The following DSC1 variants were observed in gnomAD, a reference collection of about 807,000 sequenced individuals.
DSC1 encodes the protein desmocollin 1.
DSC1 carries 79 observed loss-of-function variants against 98.8 expected under a neutral mutation model. The observed-to-expected ratio is 0.80, with a 90% CI of 0.67 to 0.96. DSC1 has a LOEUF of 0.96. Among genes scored for constraint, DSC1 ranks in the 50% least tolerant of loss-of-function variants. The pLI, the probability that DSC1 is intolerant of heterozygous loss-of-function variation, is 0.00. For synonymous variants in DSC1, 405 were observed against 372.1 expected (o/e 1.09, Z -1.02); for missense variants, 1,115 against 1,075.9 (o/e 1.04, Z -0.51).
chr18:31,134,118 A>G lies in DSC1; in HGVS notation c.1889T>C (p.Ile630Thr). The change falls in exon 13 of 16, where the codon ATT (isoleucine) becomes ACT (threonine). Residue 630 changes from isoleucine (I) to threonine (T), a missense_variant. Coordinates refer to ENST00000257198, the MANE Select transcript of DSC1 (RefSeq NM_024421.2). The stretch of plus-strand genomic sequence containing the variant: ...ATCAAGATTTTGCCGTTGACGAAGA[A>G]TGGCAGTTTTACCTAGGGAAAAAAA... ...NIEEKDGKTA[I>T]LRQRQNLDYN... The G allele has an allele frequency of 6.2e-7, 1 of 1,604,154 alleles. No homozygotes were observed. The highest frequency in any genetic ancestry group is 8.5e-7 in the Non-Finnish European group (1 of 1,179,252).
chr18:31,131,344 C>T, intron 15 of DSC1: 2 of 498,830 alleles, frequency 4.0e-6, no homozygotes, highest in East Asian at 3.7e-5. Flanking sequence ...GGCTATGAAC[C>T]TTTTATCCTT....
chr18:31,148,487 T>A lies in DSC1; in HGVS notation c.772+11A>T. On this transcript the variant is annotated intron_variant, in intron 6 of 15. Transcript: ENST00000257198. ...GTCTTCTTGTCATGCTACAATAAAATGTGAACTTACCGGATCGGCAATTTT... is the reference window on the plus strand; with the variant it reads ...GTCTTCTTGTCATGCTACAATAAAAAGTGAACTTACCGGATCGGCAATTTT... The A allele has an allele frequency of 1.3e-6, 2 of 1,583,628 alleles. No individual in the cohort carries two copies. Among genetic ancestry groups the A allele is most frequent in the Non-Finnish European group, 1.7e-6 (2 of 1,158,130 alleles).
At position 31,156,330 on chromosome 18, in the gene DSC1, C is replaced by T. The variant is rs140234198; in HGVS notation, c.352-168G>A. On this transcript the variant is annotated intron_variant, in intron 3 of 15. Coordinates refer to ENST00000257198, the MANE Select transcript of DSC1 (RefSeq NM_024421.2). ...AAACACACACACACACCTCAGACTA[C>T]ATTATGTTCCCCCGTTCTACCTATT... Among the ~76,000 whole-genome samples the T allele has an allele frequency of 2.1e-3, 319 of 152,270 alleles. 1 individual carries two copies. The highest frequency in any genetic ancestry group is 3.4e-3 in the Non-Finnish European group (232 of 68,018).
At chr18:31,130,840 T>A in intron 15 of DSC1, 129 bp from the exon 16 acceptor site, 1 of 1,608,872 alleles carries the variant, frequency 6.2e-7, no homozygotes, top group Non-Finnish European at 8.5e-7. Flanking sequence ...AATGGATTCC[T>A]ATATATAAAA....
At chr18:31,160,515 A>T (rs1422695100) in intron 1 of DSC1, among the ~76,000 whole-genome samples, 1 of 152,182 alleles carries the variant, frequency 6.6e-6, no homozygotes, top group Non-Finnish European at 1.5e-5. Flanking sequence ...GCTCATCTCA[A>T]GTCTACCAGA....
chr18:31,140,272 A>T lies in DSC1; in HGVS notation c.1290T>A (p.Val430=). Residue 430 remains valine (V), a synonymous_variant, in exon 10 of 16, where the codon GTT becomes GTA. Transcript: ENST00000257198. ...CGTTAATGACACCAACTTGCAAAAT[A>T]ACTTGGCGATTGACTTCATAGTTCA... ...KPLNYEVNRQ[V]ILQVGVINEA... The T allele has an allele frequency of 1.2e-6, 2 of 1,614,026 alleles. No individual in the cohort carries two copies. The highest frequency in any genetic ancestry group is 1.7e-6 in the Non-Finnish European group (2 of 1,179,900).
At chr18:31,134,920 A>C (rs1292070043) in intron 11 of DSC1, 136 bp from the exon 12 acceptor site, 13 of 723,944 alleles carry the variant, frequency 1.8e-5, no homozygotes, top group Admixed American at 2.9e-5. Flanking sequence ...CCCAGATTTC[A>C]GACACCAAGA....
intron 8 of DSC1, 135 bp from the exon 9 acceptor site, chr18:31,142,319 A>T (rs1204024240): frequency 2.2e-6 from 2 of 902,058 alleles, no homozygotes; most frequent in Non-Finnish European, 3.2e-6. Context: ...GAAACATTTT[A>T]CAAATTTAAT....
At chr18:31,149,613 C>G (rs17800231) in intron 5 of DSC1, among the ~76,000 whole-genome samples, 1 of 152,030 alleles carries the variant, frequency 6.6e-6, no homozygotes, top group South Asian at 2.1e-4. Flanking sequence ...CTGTTCTAAT[C>G]GATGTGGCCT....
chr18:31,138,008 T>G (rs1299534024), intron 11 of DSC1, among the ~76,000 whole-genome samples: 1 of 145,368 alleles, frequency 6.9e-6, no homozygotes, highest in Non-Finnish European at 1.5e-5. Context: ...TGTGTGTGTG[T>G]GGATTAAAGT....
At chr18:31,135,144 T>C (rs988171384) in intron 11 of DSC1, among the ~76,000 whole-genome samples, 3 of 152,206 alleles carry the variant, frequency 2.0e-5, no homozygotes, top group Non-Finnish European at 4.4e-5. Flanking sequence ...TGTCAGTCAC[T>C]TTCTCAGCTT....
chr18:31,159,122 C>T (rs1989160076), intron 2 of DSC1, among the ~76,000 whole-genome samples: 1 of 81,624 alleles, frequency 1.2e-5, no homozygotes, highest in Non-Finnish European at 2.5e-5. Context: ...GGCGCAATCT[C>T]GGCTCACTGC....
intron 5 of DSC1, among the ~76,000 whole-genome samples, chr18:31,152,168 A>G (rs200496212): frequency 7.3e-6 from 1 of 137,910 alleles, no homozygotes; most frequent in Non-Finnish European, 1.6e-5. Flanking sequence ...TATCAAAAAA[A>G]CAACAAAAAA....
intron 7 of DSC1, 144 bp from the exon 8 acceptor site, chr18:31,143,935 G>A: frequency 1.7e-6 from 1 of 582,318 alleles, no homozygotes; most frequent in South Asian, 4.4e-5. Context: ...TATTTGAGAT[G>A]GGGTCTCACT....
At chr18:31,132,490 T>C in intron 14 of DSC1, 78 bp downstream of exon 14, 1 of 1,554,448 alleles carries the variant, frequency 6.4e-7, no homozygotes, top group Non-Finnish European at 8.8e-7. Context: ...TTAGTGATAT[T>C]ATCATTGACA....
chr18:31,152,680 A>G (rs1022167897), intron 5 of DSC1, among the ~76,000 whole-genome samples: 2 of 152,152 alleles, frequency 1.3e-5, no homozygotes, highest in African/African-American at 4.8e-5. Context: ...AACAAAGAAG[A>G]AAGCGAACTC....
chr18:31,144,869 T>C (rs532103345), intron 7 of DSC1, among the ~76,000 whole-genome samples: 2 of 152,048 alleles, frequency 1.3e-5, no homozygotes, highest in East Asian at 3.9e-4. Context: ...AGGATGTTGA[T>C]AGCAGGGAAG....
At position 31,150,385 on chromosome 18, in the gene DSC1, C is replaced by CATT. The variant is rs1177221014; in HGVS notation, c.628-1744_628-1743insAAT. Among the ~76,000 whole-genome samples, 17 of 96,512 alleles carry CATT rather than the reference C, an allele frequency of 1.8e-4. 4 individuals are homozygous for CATT. The highest frequency in any genetic ancestry group is 7.6e-4 in the South Asian group (2 of 2,642). 63.3% of individuals were successfully genotyped at this position (96,512 alleles called of 152,430 possible). On this transcript the variant is annotated intron_variant, in intron 5 of 15. Transcript: ENST00000257198. Reference sequence around the variant, plus strand: ...TCATCACCACCACCATCATCACCACCATCACCACCATTATCACCACCACCA... The same window carrying CATT: ...TCATCACCACCACCATCATCACCACCATTATCACCACCATTATCACCACCACCA...
chr18:31,158,279 TAA>T (rs1300612674), intron 2 of DSC1, among the ~76,000 whole-genome samples: 1 of 152,072 alleles, frequency 6.6e-6, no homozygotes, highest in Non-Finnish European at 1.5e-5. Context: ...AATAAATAAA[TAA>T]GAAGAAAACC....
Sources: gnomAD v4.1 joint callset for allele counts (sites outside exome capture counted in the v4.1 genomes callset) on GRCh38, gnomAD v4.1.1 for gene constraint, MANE v1.5 for transcripts, NCBI Gene and HGNC (gene_info 2026-07-23, HGNC 2026-07-21) for gene names.